Variants in KREMEN1 observed in about 807,000 individuals in gnomAD.
KREMEN1 encodes kremen protein 1.
KREMEN1 carries 30 observed loss-of-function variants against 46.5 expected under a neutral mutation model. The ratio of observed to expected loss-of-function variants is 0.65; its 90% CI spans 0.48 to 0.88. The LOEUF (loss-of-function observed/expected upper bound fraction) is 0.88. Ranked by LOEUF, KREMEN1 falls within the 40% of genes least tolerant of loss-of-function variation. KREMEN1 has a pLI of 0.00. For synonymous variants in KREMEN1, 214 were observed against 230.6 expected (o/e 0.93, Z 0.65); for missense variants, 533 against 596.9 (o/e 0.89, Z 1.11).
chr22:29,141,260 CAT>C lies in KREMEN1; in HGVS notation c.1209-683_1209-682del, dbSNP rs1000604094. Among the ~76,000 whole-genome samples the C allele has an allele frequency of 4.7e-5, 7 of 147,402 alleles. No individual in the cohort carries two copies. In the East Asian group the frequency reaches 6.0e-4, roughly 13 times the overall value. On this transcript the variant is annotated intron_variant, in intron 8 of 8. Transcript: ENST00000400335. ...GTGTGTGTGTGTGTGTCTGCATGTG[CAT>C]GTGTGTGTGTGTGTGTCTGTGTCTG...
At chr22:29,102,117 T>C (rs2037986333) in intron 3 of KREMEN1, among the ~76,000 whole-genome samples, 1 of 152,224 alleles carries the variant, frequency 6.6e-6, no homozygotes, top group Non-Finnish European at 1.5e-5. Flanking sequence ...TATTTAAACC[T>C]GCTCTTTGCA....
rs186085822 is a variant in KREMEN1, at chr22:29,138,469, T to C, written c.965-155T>C. ...TTCTAAAGGGTGACAGCCTGACAGG[T>C]TCTGTTTTGGGGCTGGTGGGACCCA... On this transcript the variant is annotated intron_variant, in intron 6 of 8. Coordinates refer to ENST00000400335, the MANE Select transcript of KREMEN1 (RefSeq NM_001039570.3). Among the ~76,000 whole-genome samples the C allele has an allele frequency of 9.0e-4, 137 of 152,254 alleles. 1 individual carries two copies. Among genetic ancestry groups the C allele is most frequent in the African/African-American group, 3.1e-3 (130 of 41,562 alleles).
At chr22:29,087,777 C>T (rs1215170731) in intron 1 of KREMEN1, among the ~76,000 whole-genome samples, 1 of 152,198 alleles carries the variant, frequency 6.6e-6, no homozygotes, top group Non-Finnish European at 1.5e-5. Context: ...ATTGATCAGG[C>T]TGGTCTCAAA....
intron 3 of KREMEN1, among the ~76,000 whole-genome samples, chr22:29,119,914 A>AAAAT (rs2038303404): frequency 6.6e-6 from 1 of 152,258 alleles, no homozygotes; most frequent in Non-Finnish European, 1.5e-5. Flanking sequence ...TAGATTATCC[A>AAAAT]GGTGAGACCA....
In KREMEN1 at chr22:29,127,947, T is replaced by C. The variant is rs116641812; in HGVS notation, c.631+2531T>C. Among the ~76,000 whole-genome samples, 1,365 of 152,232 alleles carry C rather than the reference T, an allele frequency of 9.0e-3. 14 individuals carry two copies. The highest frequency in any genetic ancestry group is 0.031 in the African/African-American group (1,302 of 41,498). On this transcript the variant is annotated intron_variant, in intron 5 of 8. Coordinates refer to ENST00000400335, the MANE Select transcript of KREMEN1 (RefSeq NM_001039570.3). The stretch of plus-strand genomic sequence containing the variant: ...GGCATGCTACAACATGGATGAACCT[T>C]GAAACCATTATTCTAAATGAAAGAA...
chr22:29,146,890 T>C, downstream of KREMEN1: 1 of 706,374 alleles, frequency 1.4e-6, no homozygotes, highest in Non-Finnish European at 1.7e-6. Flanking sequence ...AGGGTGTCTG[T>C]GGTGGGATTC....
At chr22:29,131,934 G>A (rs1158781797) in intron 5 of KREMEN1, among the ~76,000 whole-genome samples, 5 of 135,486 alleles carry the variant, frequency 3.7e-5, no homozygotes, top group South Asian at 2.4e-4. Flanking sequence ...GTGCAATGGC[G>A]CGATCTTGGC....
At chr22:29,158,435 C>T (rs1256855146) in intron 9 of KREMEN1, among the ~76,000 whole-genome samples, 3 of 152,082 alleles carry the variant, frequency 2.0e-5, no homozygotes, top group Non-Finnish European at 2.9e-5. Context: ...GGAGAGGCGC[C>T]GACATGGGGC....
chr22:29,073,041 G>A lies in KREMEN1; in HGVS notation c.-90G>A, dbSNP rs2037493463. The A allele has an allele frequency of 4.6e-6, 1 of 216,400 alleles. No individual in the cohort carries two copies. Among genetic ancestry groups the A allele is most frequent in the Non-Finnish European group, 7.8e-6 (1 of 128,388 alleles). 13.4% of individuals were successfully genotyped at this position (216,400 alleles called of 1,614,324 possible). A position where few individuals can be genotyped will look rare whatever the true frequency, so the allele number is the denominator to read the frequency against. Reference sequence around the variant, plus strand: ...GCGGCCGGGGCGGGGCTACACTCGGGCCCCGCGTCCTGCTCCCATGGCCGC... The same window carrying A: ...GCGGCCGGGGCGGGGCTACACTCGGACCCCGCGTCCTGCTCCCATGGCCGC... On this transcript the variant is annotated 5_prime_UTR_variant, in exon 1 of 9. Transcript: ENST00000400335. This position sits in a 1 kb window ranked among gnomAD's most constrained non-coding sequence, Gnocchi z 4.4.
intron 1 of KREMEN1, among the ~76,000 whole-genome samples, chr22:29,078,240 AG>A (rs1209362167): frequency 3.3e-5 from 5 of 152,230 alleles, no homozygotes; most frequent in Admixed American, 2.0e-4. Context: ...TCTGGGCAAC[AG>A]AGCAAGACCC....
Position 29,145,211 on chromosome 22 carries a change from G to A in KREMEN1, c.*3099G>A. 3 of 985,736 alleles carry A rather than the reference G, an allele frequency of 3.0e-6. No homozygotes were observed. Among genetic ancestry groups the A allele is most frequent in the Non-Finnish European group, 3.6e-6 (3 of 830,070 alleles). The allele number at this position is 985,736 out of a possible 1,614,324, so 61.1% of individuals were successfully genotyped here. On this transcript the variant is annotated 3_prime_UTR_variant, in exon 9 of 9. Coordinates refer to ENST00000400335, the MANE Select transcript of KREMEN1 (RefSeq NM_001039570.3). ...GTGGGCTTCCAGGAGCATGGAGGAGGTGGCACTTGAACTTTTAGGAAACTC... is the reference window on the plus strand; with the variant it reads ...GTGGGCTTCCAGGAGCATGGAGGAGATGGCACTTGAACTTTTAGGAAACTC...
rs1451961594 is a variant in KREMEN1 at position 29,142,638 on chromosome 22, C to A, written c.*526C>A. On this transcript the variant is annotated 3_prime_UTR_variant, in exon 9 of 9. Coordinates refer to ENST00000400335, the MANE Select transcript of KREMEN1 (RefSeq NM_001039570.3). ...ACAAGTGCGGACTCCTGGACATTAGCGAGGTGTAAAGAGGGCAGTGTCTGT... is the reference window on the plus strand; with the variant it reads ...ACAAGTGCGGACTCCTGGACATTAGAGAGGTGTAAAGAGGGCAGTGTCTGT... The A allele has an allele frequency of 1.0e-6, 1 of 985,402 alleles. No homozygotes were observed. Among genetic ancestry groups the A allele is most frequent in the African/African-American group, 1.7e-5 (1 of 57,238 alleles). 61.0% of individuals were successfully genotyped at this position (985,402 alleles called of 1,614,324 possible). A position where few individuals can be genotyped will look rare whatever the true frequency, so the allele number is the denominator to read the frequency against.
At chr22:29,074,921 CAT>C (rs2037542221) in intron 1 of KREMEN1, among the ~76,000 whole-genome samples, 1 of 152,172 alleles carries the variant, frequency 6.6e-6, no homozygotes, top group African/African-American at 2.4e-5. Flanking sequence ...AGTCAATAAA[CAT>C]ATTTTAATAA....
At chr22:29,165,839 G>T (rs1414860111) in intron 9 of KREMEN1, among the ~76,000 whole-genome samples, 1 of 152,198 alleles carries the variant, frequency 6.6e-6, no homozygotes. Context: ...AGGGGGACTT[G>T]CATCTTCTCT....
At position 29,086,026 on chromosome 22, in the gene KREMEN1, G is replaced by T. The variant is rs866557606; in HGVS notation, c.98-8232G>T. Among the ~76,000 whole-genome samples the T allele has an allele frequency of 8.5e-3, 1,215 of 142,478 alleles. 15 individuals carry two copies. The highest frequency in any genetic ancestry group is 0.037 in the Middle Eastern group (10 of 272). The allele number at this position is 142,478 out of a possible 152,430, so 93.5% of individuals were successfully genotyped here. A position where few individuals can be genotyped will look rare whatever the true frequency, so the allele number is the denominator to read the frequency against. On this transcript the variant is annotated intron_variant, in intron 1 of 8. Coordinates refer to ENST00000400335, the MANE Select transcript of KREMEN1 (RefSeq NM_001039570.3). Reference sequence around the variant, plus strand: ...AGGGAAGGCCCACATGGGAGGTGAGGTTTTTTTTTTTTTTAACCATATAAT... The same window carrying T: ...AGGGAAGGCCCACATGGGAGGTGAGTTTTTTTTTTTTTTTAACCATATAAT...
intron 9 of KREMEN1, among the ~76,000 whole-genome samples, chr22:29,160,775 G>A (rs2039004040): frequency 6.6e-6 from 1 of 152,140 alleles, no homozygotes; most frequent in South Asian, 2.1e-4. Flanking sequence ...ACCTCAAGAA[G>A]TTAGACCTCA....
rs761023660 is a variant in KREMEN1, at chr22:29,142,047, A to G, written c.1312A>G (p.Ile438Val). 2 of 1,613,132 alleles carry G rather than the reference A, an allele frequency of 1.2e-6. No individual in the cohort carries two copies. The highest frequency in any genetic ancestry group is 1.1e-5 in the South Asian group (1 of 90,830). The stretch of plus-strand genomic sequence containing the variant: ...TTACAAGCCTTCCACTTCAATTTCC[A>G]TCTTTAAGAAGAAACTCAAGGGTCA... ...IFYKPSTSIS[I>V]FKKKLKGQSQ... The change falls in exon 9 of 9, where the codon ATC (isoleucine) becomes GTC (valine). Residue 438 changes from isoleucine to valine, a missense_variant. Transcript: ENST00000400335.
rs1008695992 is a variant in KREMEN1, at chr22:29,144,744, G to T, written c.*2632G>T. 1.7e-5 allele frequency: 17 copies of T among 985,416 alleles called. No individual in the cohort carries two copies. The African/African-American group carries it at 2.4e-4, about 14-fold the overall frequency. 61.0% of individuals were successfully genotyped at this position (985,416 alleles called of 1,614,324 possible). A position where few individuals can be genotyped will look rare whatever the true frequency, so the allele number is the denominator to read the frequency against. ...CAGGGGGCAGTTGTTCAGTTGCCTG[G>T]GGCTGACACTGACCACTGGCCTCTG... On this transcript the variant is annotated 3_prime_UTR_variant, in exon 9 of 9. Coordinates refer to ENST00000400335, the MANE Select transcript of KREMEN1 (RefSeq NM_001039570.3).
chr22:29,085,303 C>G (rs1601752865), intron 1 of KREMEN1, among the ~76,000 whole-genome samples: 1 of 152,116 alleles, frequency 6.6e-6, no homozygotes, highest in Admixed American at 6.6e-5. Flanking sequence ...AATTATTAAC[C>G]ATGGCTAATG....
Sources: allele counts gnomAD v4.1 joint callset (sites outside exome capture counted in the v4.1 genomes callset), GRCh38; gene constraint gnomAD v4.1.1; non-coding constraint Gnocchi (gnomAD v3.1); transcripts MANE v1.5; gene names NCBI Gene and HGNC (gene_info 2026-07-23, HGNC 2026-07-21).